The following VOPP1 variants were observed in gnomAD, a reference collection of about 807,000 sequenced individuals.
VOPP1 encodes the protein WW domain binding protein VOPP1.
In VOPP1, 8 loss-of-function variants were observed where a neutral mutation model predicts 23.5. The observed-to-expected ratio is 0.34, with a 90% confidence interval of 0.20 to 0.61. The LOEUF is 0.61. Among genes scored for constraint, VOPP1 ranks in the 20% least tolerant of loss-of-function variants. VOPP1 has a pLI of 0.78. For synonymous variants in VOPP1, 83 were observed against 97.3 expected (o/e 0.85, Z 0.86); for missense variants, 174 against 238.1 (o/e 0.73, Z 1.77).
intron 4 of VOPP1, among the ~76,000 whole-genome samples, chr7:55,474,307 C>T (rs999487722): frequency 2.0e-5 from 3 of 152,210 alleles, no homozygotes; most frequent in South Asian, 2.1e-4. Context: ...CCATGAGTTT[C>T]GCAAGGGCAG....
At chr7:55,473,097 C>T (rs1791960663) in intron 4 of VOPP1, 52 bp from the exon 5 acceptor site, 2 of 1,563,012 alleles carry the variant, frequency 1.3e-6, no homozygotes, top group Non-Finnish European at 1.7e-6. Context: ...CCCATCACAC[C>T]GCAAGTATGT....
At position 55,471,497 on chromosome 7, in the gene VOPP1, A is replaced by AC. The variant is rs1344641400; in HGVS notation, c.*1357dup. Reference sequence around the variant, plus strand: ...AGTTCATTAAAAAATAAGCACCCCCACCTCATTCCCCGTGATACAGCACAT... The same window carrying AC: ...AGTTCATTAAAAAATAAGCACCCCCACCCTCATTCCCCGTGATACAGCACAT... On this transcript the variant is annotated 3_prime_UTR_variant, in exon 5 of 5. Transcript: ENST00000285279. 1 of 151,700 alleles carries AC rather than the reference A, an allele frequency of 6.6e-6. No homozygotes were observed. The highest frequency in any genetic ancestry group is 1.9e-4 in the East Asian group (1 of 5,170). The allele number at this position is 151,700 out of a possible 1,614,324, so 9.4% of individuals were successfully genotyped here. A position where few individuals can be genotyped will look rare whatever the true frequency, so the allele number is the denominator to read the frequency against.
chr7:55,536,624 T>C (rs1796807858), intron 1 of VOPP1, among the ~76,000 whole-genome samples: 1 of 152,034 alleles, frequency 6.6e-6, no homozygotes. Flanking sequence ...TCATTGTGTC[T>C]CTCAAAACAT....
At chr7:55,542,203 G>C (rs986103410) in intron 1 of VOPP1, among the ~76,000 whole-genome samples, 1 of 152,164 alleles carries the variant, frequency 6.6e-6, no homozygotes, top group Admixed American at 6.6e-5. Context: ...AATGTGTAAT[G>C]ATCAAATCAG....
intron 4 of VOPP1, among the ~76,000 whole-genome samples, chr7:55,443,539 G>C (rs1476919665): frequency 3.3e-5 from 5 of 152,074 alleles, no homozygotes; most frequent in African/African-American, 1.2e-4. Flanking sequence ...GGGCAACAGA[G>C]AGAGACTCTG....
At chr7:55,495,542 T>C (rs1263219031) in intron 3 of VOPP1, among the ~76,000 whole-genome samples, 1 of 152,092 alleles carries the variant, frequency 6.6e-6, no homozygotes, top group African/African-American at 2.4e-5. Context: ...AAACGCCCTC[T>C]CTGACGACCC....
At chr7:55,538,320 G>A (rs979093810) in intron 1 of VOPP1, among the ~76,000 whole-genome samples, 1 of 152,192 alleles carries the variant, frequency 6.6e-6, no homozygotes, top group African/African-American at 2.4e-5. Context: ...CTAGGTCCAG[G>A]TAAAGATGTA....
chr7:55,504,020 T>A (rs958523054), intron 2 of VOPP1, among the ~76,000 whole-genome samples: 3 of 152,164 alleles, frequency 2.0e-5, no homozygotes, highest in Non-Finnish European at 4.4e-5. Context: ...AGGGTGCGGG[T>A]CTGGAGATAG....
At chr7:55,517,893 T>C (rs1391958724) in intron 2 of VOPP1, among the ~76,000 whole-genome samples, 1 of 152,152 alleles carries the variant, frequency 6.6e-6, no homozygotes, top group African/African-American at 2.4e-5. Flanking sequence ...ATTAAATATC[T>C]GGACCGGTGA....
At position 55,492,402 on chromosome 7, in the gene VOPP1, C is replaced by T; in HGVS notation, c.208G>A (p.Gly70Ser). 1 of 1,611,054 alleles carries T rather than the reference C, an allele frequency of 6.2e-7. No individual in the cohort carries two copies. The highest frequency in any genetic ancestry group is 8.5e-7 in the Non-Finnish European group (1 of 1,178,616). Reference sequence around the variant, plus strand: ...CCGGCTCCGCAGCAGAAAAGCACGCCCATCATCAGAAGGAACCTGAGGAGA... The same window carrying T: ...CCGGCTCCGCAGCAGAAAAGCACGCTCATCATCAGAAGGAACCTGAGGAGA... ...LWYFWFLLMM[G>S]VLFCCGAGFF... is the part of the protein sequence containing the mutation. The change falls in exon 4 of 5, where the codon GGC becomes AGC. Residue 70 changes from glycine to serine, a missense_variant. By Grantham distance (56) the Gly-to-Ser change is moderately conservative. Coordinates refer to ENST00000285279, the MANE Select transcript of VOPP1 (RefSeq NM_030796.5).
intron 4 of VOPP1, among the ~76,000 whole-genome samples, chr7:55,438,829 C>T (rs971597729): frequency 1.2e-4 from 18 of 152,186 alleles, no homozygotes; most frequent in African/African-American, 4.3e-4. Flanking sequence ...GGGAGGGAAA[C>T]GGCTGTGGCT....
chr7:55,550,874 G>C (rs544494496), intron 1 of VOPP1, among the ~76,000 whole-genome samples: 2 of 152,094 alleles, frequency 1.3e-5, no homozygotes, highest in South Asian at 4.1e-4. Flanking sequence ...GAATGCATTA[G>C]GCTTATTTTC....
Position 55,507,188 on chromosome 7 carries a change from T to C in VOPP1, c.114-9498A>G, listed in dbSNP as rs559163862. ...CTGTGAGGAGTGCTGTGGAAAGTAG[T>C]GGCTCTCAGCACAGGCTCACGTCAG... On this transcript the variant is annotated intron_variant, in intron 2 of 4. Transcript: ENST00000285279. Among the ~76,000 whole-genome samples, 3 of 152,304 alleles carry C rather than the reference T, an allele frequency of 2.0e-5. No homozygotes were observed. The East Asian group carries it at 5.8e-4, about 29-fold the overall frequency.
chr7:55,470,284 GA>G (rs1205237995), downstream of VOPP1, among the ~76,000 whole-genome samples: 1 of 152,178 alleles, frequency 6.6e-6, no homozygotes, highest in African/African-American at 2.4e-5. Flanking sequence ...GCATCTGTGA[GA>G]GAAGTGTTAT....
intron 1 of VOPP1, chr7:55,538,756 T>G (rs1030398644): frequency 1.8e-6 from 2 of 1,114,150 alleles, no homozygotes; most frequent in African/African-American, 3.1e-5. Flanking sequence ...GAACGCTTTC[T>G]AAGGGGAATG....
At chr7:55,443,470 C>T (rs934748989) in intron 4 of VOPP1, among the ~76,000 whole-genome samples, 8 of 151,978 alleles carry the variant, frequency 5.3e-5, no homozygotes, top group Non-Finnish European at 1.2e-4. Flanking sequence ...AGGAGAATGG[C>T]ATGAACGCAG....
At chr7:55,546,515 T>C (rs573109425) in intron 1 of VOPP1, among the ~76,000 whole-genome samples, 4 of 152,344 alleles carry the variant, frequency 2.6e-5, no homozygotes, top group South Asian at 2.1e-4. Context: ...TTTTAATTAA[T>C]AGCAATATAC....
At chr7:55,522,750 C>T (rs1439614261) in intron 1 of VOPP1, among the ~76,000 whole-genome samples, 3 of 152,226 alleles carry the variant, frequency 2.0e-5, no homozygotes, top group African/African-American at 7.2e-5. Flanking sequence ...CAGAGACAGG[C>T]CACAGCCACG....
intron 4 of VOPP1, among the ~76,000 whole-genome samples, chr7:55,460,051 G>C (rs890555971): frequency 9.2e-6 from 1 of 108,944 alleles, no homozygotes; most frequent in Non-Finnish European, 1.9e-5. Context: ...CATAGGTGTG[G>C]GTATGTTGCA....
Sources: gnomAD v4.1 joint callset for allele counts (sites outside exome capture counted in the v4.1 genomes callset) on GRCh38, gnomAD v4.1.1 for gene constraint, MANE v1.5 for transcripts, NCBI Gene and HGNC (gene_info 2026-07-23, HGNC 2026-07-21) for gene names.